FXYD7: variants seen among roughly 807,000 people sequenced by gnomAD.
The protein encoded by FXYD7 is FXYD domain containing ion transport regulator 7.
In FXYD7, 7 loss-of-function variants were observed where a neutral mutation model predicts 15.3. The observed-to-expected ratio is 0.46, with a 90% CI of 0.26 to 0.86. The LOEUF (loss-of-function observed/expected upper bound fraction) is 0.86, where lower values mean the gene tolerates loss of function less well. Among genes scored for constraint, FXYD7 ranks in the 40% least tolerant of loss-of-function variants. FXYD7 has a pLI of 0.16. For synonymous variants in FXYD7, 39 were observed against 39.3 expected, an observed-to-expected ratio of 0.99 and a Z score of 0.03; for missense variants, 78 against 100.6, an observed-to-expected ratio of 0.78 and a Z score of 0.96.
intron 1 of FXYD7, among the ~76,000 whole-genome samples, chr19:35,145,430 C>A (rs551947946): frequency 6.6e-6 from 1 of 152,236 alleles, no homozygotes; most frequent in Non-Finnish European, 1.5e-5. Flanking sequence ...GACAGGGGCT[C>A]ACCCAGTGGG....
At chr19:35,147,942 G>A (rs2065294039) in intron 1 of FXYD7, among the ~76,000 whole-genome samples, 1 of 151,358 alleles carries the variant, frequency 6.6e-6, no homozygotes, top group African/African-American at 2.4e-5. Flanking sequence ...GTAGTGAGCT[G>A]AGATCGCGCC....
At position 35,151,674 on chromosome 19, in the gene FXYD7, G is replaced by C. The variant is rs754161730; in HGVS notation, c.220+1G>C. The C allele has an allele frequency of 6.2e-7, 1 of 1,610,520 alleles. No homozygotes were observed. Among genetic ancestry groups the C allele is most frequent in the South Asian group, 1.1e-5 (1 of 91,006 alleles). The stretch of plus-strand genomic sequence containing the variant: ...TGTAAGTCTGAGCTTCCCTCTTCAG[G>C]TGAGGGTGAGAAACTGTGTGGTTCT... On this transcript the variant is annotated splice_donor_variant, in intron 5 of 5. Coordinates refer to ENST00000270310, the MANE Select transcript of FXYD7 (RefSeq NM_022006.2). LOFTEE classifies it high-confidence loss of function.
intron 5 of FXYD7, 56 bp from the exon 6 acceptor site, chr19:35,153,838 G>A: frequency 6.4e-7 from 1 of 1,564,038 alleles, no homozygotes; most frequent in East Asian, 2.2e-5. Context: ...AACGAGCTGT[G>A]GGGAGGGAGG....
chr19:35,148,936 T>A (rs1405311326), intron 2 of FXYD7: 1 of 689,326 alleles, frequency 1.5e-6, no homozygotes, highest in African/African-American at 1.7e-5. Flanking sequence ...CTGAGCCCCC[T>A]TCAGGTCTCA....
intron 5 of FXYD7, among the ~76,000 whole-genome samples, chr19:35,152,226 G>A (rs1007963770): frequency 6.6e-6 from 1 of 150,494 alleles, no homozygotes; most frequent in African/African-American, 2.5e-5. Flanking sequence ...ACCGTGGGGA[G>A]GCTGTGGGAT....
chr19:35,151,609 T>C (rs1394381204), intron 4 of FXYD7, 24 bp from the exon 5 acceptor site: 4 of 1,610,026 alleles, frequency 2.5e-6, no homozygotes, highest in Non-Finnish European at 3.4e-6. Context: ...TTTCTACTTT[T>C]CTCTCTCATC....
chr19:35,146,144 C>CTT (rs200223844), intron 1 of FXYD7, among the ~76,000 whole-genome samples: 128 of 144,050 alleles, frequency 8.9e-4, no homozygotes, highest in Middle Eastern at 3.6e-3. Context: ...AATTAATCTT[C>CTT]TTTTTTTTTT....
At chr19:35,148,028 AAAG>A (rs1220721338) in intron 1 of FXYD7, among the ~76,000 whole-genome samples, 1 of 15,436 alleles carries the variant, frequency 6.5e-5, no homozygotes, top group African/African-American at 2.3e-4. Context: ...AGAAAGAAGG[AAAG>A]AAAGAAAGAA....
In FXYD7 at chr19:35,151,435, A is replaced by G; in HGVS notation, c.137-5A>G. 6.2e-7 allele frequency: 1 copy of G among 1,613,942 alleles called. No individual in the cohort carries two copies. The highest frequency in any genetic ancestry group is 8.5e-7 in the Non-Finnish European group (1 of 1,179,908). ...TCTTCTTGTTCTGTCTCTCTCTCCC[A>G]ACAGGCAAGAAGGTGAAGTGCAGGA... On this transcript the variant is annotated splice_polypyrimidine_tract_variant and splice_region_variant and intron_variant, in intron 3 of 5. Transcript: ENST00000270310.
intron 1 of FXYD7, among the ~76,000 whole-genome samples, chr19:35,144,083 A>G (rs2065279727): frequency 6.6e-6 from 1 of 151,968 alleles, no homozygotes; most frequent in African/African-American, 2.4e-5. Flanking sequence ...CCTGGGAGAT[A>G]GTGGGATTGA....
chr19:35,148,075 GAA>G (rs1568405876), intron 1 of FXYD7, among the ~76,000 whole-genome samples: 53 of 122,594 alleles, frequency 4.3e-4, no homozygotes, highest in East Asian at 3.4e-3. Flanking sequence ...AAGAAAGAAA[GAA>G]AGAAAGAAAG....
At chr19:35,148,643 C>CA in intron 1 of FXYD7, 51 bp from the exon 2 acceptor site, 1 of 1,454,264 alleles carries the variant, frequency 6.9e-7, no homozygotes, top group Non-Finnish European at 9.2e-7. Context: ...TTAAGAAATA[C>CA]ACTGTTAAGT....
In FXYD7 at chr19:35,143,326, G is replaced by A; in HGVS notation, c.-8G>A. On this transcript the variant is annotated 5_prime_UTR_variant, in exon 1 of 6. Coordinates refer to ENST00000270310, the MANE Select transcript of FXYD7 (RefSeq NM_022006.2). The surrounding 1 kb of genome is among the most constrained non-coding windows in gnomAD (Gnocchi z 4.3). ...AAAGCATCCAGCAGCCCCCTGCTCC[G>A]GCCCAGCATGGCGACCCCGACCCAG... 2 of 1,534,556 alleles carry A rather than the reference G, an allele frequency of 1.3e-6. No homozygotes were observed. Among genetic ancestry groups the A allele is most frequent in the Non-Finnish European group, 1.8e-6 (2 of 1,140,676 alleles).
At chr19:35,148,071 GAA>G (rs1600491919) in intron 1 of FXYD7, among the ~76,000 whole-genome samples, 4 of 121,668 alleles carry the variant, frequency 3.3e-5, no homozygotes, top group East Asian at 5.6e-4. Flanking sequence ...AAGAAAGAAA[GAA>G]AGAAAGAAAG....
At chr19:35,152,062 C>T (rs146250725) in intron 5 of FXYD7, among the ~76,000 whole-genome samples, 4 of 141,594 alleles carry the variant, frequency 2.8e-5, no homozygotes, top group African/African-American at 8.0e-5. Flanking sequence ...TCACCTGAAC[C>T]TGGGAGGTGG....
rs778578245 is a variant in FXYD7 at position 35,151,688 on chromosome 19, C to G, written c.220+15C>G. ...TCCCTCTTCAGGTGAGGGTGAGAAA[C>G]TGTGTGGTTCTGGGAGAGTTTTAGG... is the stretch of plus-strand genomic sequence containing the variant. On this transcript the variant is annotated intron_variant, in intron 5 of 5. Transcript: ENST00000270310. The G allele has an allele frequency of 6.4e-7, 1 of 1,567,802 alleles. No individual in the cohort carries two copies. Among genetic ancestry groups the G allele is most frequent in the East Asian group, 2.4e-5 (1 of 41,782 alleles).
intron 1 of FXYD7, 123 bp from the exon 2 acceptor site, chr19:35,148,571 C>G (rs1429905909): frequency 1.3e-6 from 1 of 790,338 alleles, no homozygotes; most frequent in African/African-American, 1.7e-5. Flanking sequence ...ACCAAGGGGT[C>G]TCTATCTGAC....
chr19:35,148,081 A>AAGAAAGAAAGAGAGAG (rs2065296709), intron 1 of FXYD7, among the ~76,000 whole-genome samples: 1 of 122,066 alleles, frequency 8.2e-6, no homozygotes, highest in Non-Finnish European at 1.7e-5. Context: ...GAAAGAAAGA[A>AAGAAAGAAAGAGAGAG]AGAAAGAAAG....
At position 35,153,033 on chromosome 19, in the gene FXYD7, C is replaced by CTTTTTTTTTTTTTTTTTTTTTTTTT. The variant is rs954084904; in HGVS notation, c.221-856_221-832dup. Among the ~76,000 whole-genome samples, 2 of 44,138 alleles carry CTTTTTTTTTTTTTTTTTTTTTTTTT rather than the reference C, an allele frequency of 4.5e-5. 1 individual carries two copies. Among genetic ancestry groups the CTTTTTTTTTTTTTTTTTTTTTTTTT allele is most frequent in the Non-Finnish European group, 7.8e-5 (2 of 25,806 alleles). 29.0% of individuals were successfully genotyped at this position (44,138 alleles called of 152,430 possible). ...TTGGTGTGGAATTTGTTTCACGTTC[C>CTTTTTTTTTTTTTTTTTTTTTTTTT]TTTTTTTTTTTTTTTTTTTTTTTTT... On this transcript the variant is annotated intron_variant, in intron 5 of 5. Coordinates refer to ENST00000270310, the MANE Select transcript of FXYD7 (RefSeq NM_022006.2).
Sources: allele counts gnomAD v4.1 joint callset (sites outside exome capture counted in the v4.1 genomes callset), GRCh38; gene constraint gnomAD v4.1.1; non-coding constraint Gnocchi (gnomAD v3.1); transcripts MANE v1.5; gene names NCBI Gene and HGNC (gene_info 2026-07-23, HGNC 2026-07-21).